The following FBXL5 variants were observed in gnomAD, a reference collection of about 807,000 sequenced individuals.
FBXL5 encodes F-box/LRR-repeat protein 5.
Under a neutral mutation model 78.3 loss-of-function variants are expected in FBXL5, and 26 were observed. The ratio of observed to expected loss-of-function variants is 0.33; its 90% CI spans 0.24 to 0.46. The LOEUF (loss-of-function observed/expected upper bound fraction) is 0.46. FBXL5 is among the 20% of genes least tolerant of loss of function. The probability of loss-of-function intolerance (pLI) is 1.00; values close to 1 mark genes in which losing one functional copy is unlikely to be tolerated. For missense variants in FBXL5, 710 were observed against 829.2 expected (o/e 0.86, Z 1.77); for synonymous variants, 295 against 282.5 (o/e 1.04, Z -0.45).
At chr4:15,681,312 C>T (rs1336754551) in intron 1 of FBXL5, 1 of 156,438 alleles carries the variant, frequency 6.4e-6, no homozygotes, top group Non-Finnish European at 1.5e-5. Context: ...CCTGGCCCCG[C>T]CAGGTCGGGG....
chr4:15,657,338 T>C (rs190499182), upstream of FBXL5, among the ~76,000 whole-genome samples: 44 of 152,326 alleles, frequency 2.9e-4, no homozygotes, highest in Middle Eastern at 6.8e-3. Context: ...TCAGTAAATA[T>C]GTTGGAAAAA....
intron 1 of FBXL5, among the ~76,000 whole-genome samples, chr4:15,649,850 CAG>C (rs1351998657): frequency 1.3e-5 from 2 of 152,062 alleles, no homozygotes; most frequent in Non-Finnish European, 2.9e-5. Flanking sequence ...GACTAACAAA[CAG>C]AGTCTCAGGA....
At chr4:15,667,318 G>A (rs1233839026) in intron 1 of FBXL5, among the ~76,000 whole-genome samples, 3 of 152,098 alleles carry the variant, frequency 2.0e-5, no homozygotes, top group African/African-American at 7.2e-5. Flanking sequence ...CTCAACATTT[G>A]TTAAAATTGA....
intron 10 of FBXL5, among the ~76,000 whole-genome samples, chr4:15,610,217 CACA>C (rs1722158221): frequency 6.6e-6 from 1 of 152,000 alleles, no homozygotes; most frequent in Non-Finnish European, 1.5e-5. Context: ...CTGGATACAA[CACA>C]ACTTCTTTCT....
At chr4:15,671,465 G>T (rs1037391845) in intron 1 of FBXL5, among the ~76,000 whole-genome samples, 3 of 151,916 alleles carry the variant, frequency 2.0e-5, no homozygotes, top group African/African-American at 7.3e-5. Context: ...AAGAGACAGG[G>T]TCTCTCCACA....
intron 2 of FBXL5, among the ~76,000 whole-genome samples, chr4:15,641,108 CTA>C (rs1272213884): frequency 2.0e-5 from 3 of 151,944 alleles, no homozygotes; most frequent in African/African-American, 4.8e-5. Flanking sequence ...CATAAAAAGT[CTA>C]AAAATAGCAC....
At chr4:15,616,837 A>G (rs1056665384) in intron 9 of FBXL5, among the ~76,000 whole-genome samples, 2 of 152,140 alleles carry the variant, frequency 1.3e-5, no homozygotes, top group Non-Finnish European at 2.9e-5. Context: ...CAGGTTCCCC[A>G]GTGAGGATGT....
At chr4:15,641,620 G>A (rs1266431880) in intron 2 of FBXL5, 1 of 455,590 alleles carries the variant, frequency 2.2e-6, no homozygotes, top group Non-Finnish European at 4.4e-6. Flanking sequence ...CCAGTCAACA[G>A]TAGTAGGCTG....
At chr4:15,608,630 C>G (rs1042091830) in intron 10 of FBXL5, among the ~76,000 whole-genome samples, 3 of 151,238 alleles carry the variant, frequency 2.0e-5, no homozygotes, top group Non-Finnish European at 4.4e-5. Context: ...TTTAAGTTCA[C>G]CAGAATTGAG....
Position 15,637,198 on chromosome 4 carries a change from C to A in FBXL5, c.584-522G>T, listed in dbSNP as rs531616811. On this transcript the variant is annotated intron_variant, in intron 4 of 10. Coordinates refer to ENST00000341285, the MANE Select transcript of FBXL5 (RefSeq NM_012161.4). Reference sequence around the variant, plus strand: ...CAAGAGGTCTGCGAAATCTGACTGCCTTAACCTAGAGATGCTTTAAACTAC... The same window carrying A: ...CAAGAGGTCTGCGAAATCTGACTGCATTAACCTAGAGATGCTTTAAACTAC... Among the ~76,000 whole-genome samples, 41 of 152,266 alleles carry A rather than the reference C, an allele frequency of 2.7e-4. 1 individual carries two copies. The highest frequency in any genetic ancestry group is 4.7e-4 in the Non-Finnish European group (32 of 68,020).
chr4:15,652,702 T>C (rs1716251185), intron 1 of FBXL5, among the ~76,000 whole-genome samples: 1 of 152,214 alleles, frequency 6.6e-6, no homozygotes, highest in African/African-American at 2.4e-5. Context: ...TACTTGATGC[T>C]AGTAAATAAA....
intron 7 of FBXL5, among the ~76,000 whole-genome samples, chr4:15,627,198 T>C (rs1430124345): frequency 6.8e-6 from 1 of 146,418 alleles, no homozygotes; most frequent in African/African-American, 2.5e-5. Flanking sequence ...GCAGTGGCAG[T>C]ATCTTGGCTC....
In FBXL5 at chr4:15,636,713, A is replaced by G. The variant is rs776451412; in HGVS notation, c.584-37T>C. Reference sequence around the variant, plus strand: ...AAGAAAAACTTTACCAGTAAAGGCTAAAGAGCATATGCAATAAGAAATTAC... The same window carrying G: ...AAGAAAAACTTTACCAGTAAAGGCTGAAGAGCATATGCAATAAGAAATTAC... On this transcript the variant is annotated intron_variant, in intron 4 of 10. Coordinates refer to ENST00000341285, the MANE Select transcript of FBXL5 (RefSeq NM_012161.4). 7.0e-6 allele frequency: 10 copies of G among 1,438,210 alleles called. No individual in the cohort carries two copies. In the East Asian group the frequency reaches 1.4e-4, roughly 20 times the overall value. The allele number at this position is 1,438,210 out of a possible 1,614,324, so 89.1% of individuals were successfully genotyped here. A position where few individuals can be genotyped will look rare whatever the true frequency, so the allele number is the denominator to read the frequency against.
At chr4:15,654,545 T>C (rs1207977371) in intron 1 of FBXL5, among the ~76,000 whole-genome samples, 1 of 152,134 alleles carries the variant, frequency 6.6e-6, no homozygotes, top group Admixed American at 6.5e-5. Flanking sequence ...ATCCAGTAAG[T>C]GTTCAGGGCA....
rs1331523723 is a variant in FBXL5, at chr4:15,605,083, C to T, written c.*640G>A. The stretch of plus-strand genomic sequence containing the variant: ...TTGTGGTATTTTAAAAAATCTCTCC[C>T]AAATTTGATGACATAGGGACAGTGG... On this transcript the variant is annotated 3_prime_UTR_variant, in exon 11 of 11. Transcript: ENST00000341285. 6.6e-6 allele frequency: 1 copy of T among 152,564 alleles called. No individual in the cohort carries two copies. The highest frequency in any genetic ancestry group is 1.5e-5 in the Non-Finnish European group (1 of 68,022). 9.5% of individuals were successfully genotyped at this position (152,564 alleles called of 1,614,324 possible). A position where few individuals can be genotyped will look rare whatever the true frequency, so the allele number is the denominator to read the frequency against.
chr4:15,628,772 G>GACACACACACACAC (rs1553850273), intron 6 of FBXL5, among the ~76,000 whole-genome samples: 7 of 140,400 alleles, frequency 5.0e-5, no homozygotes, highest in African/African-American at 1.9e-4. Flanking sequence ...GCCAGACACA[G>GACACACACACACAC]ACACACACAC....
chr4:15,626,957 TA>T lies in FBXL5; in HGVS notation c.1042-3del. 1 of 1,593,644 alleles carries T rather than the reference TA, an allele frequency of 6.3e-7. No individual in the cohort carries two copies. Among genetic ancestry groups the T allele is most frequent in the Non-Finnish European group, 8.5e-7 (1 of 1,173,304 alleles). ...ACAAAGCTCTAAAATCTGCCTAACCTAAAAGGCAAGAAATTGTCACTGTAAA... is the reference window on the plus strand; with the variant it reads ...ACAAAGCTCTAAAATCTGCCTAACCTAAAGGCAAGAAATTGTCACTGTAAA... On this transcript the variant is annotated splice_region_variant and splice_polypyrimidine_tract_variant and intron_variant, in intron 7 of 10. Transcript: ENST00000341285.
chr4:15,622,532 T>C (rs1712591228), intron 9 of FBXL5, among the ~76,000 whole-genome samples: 1 of 152,222 alleles, frequency 6.6e-6, no homozygotes, highest in Non-Finnish European at 1.5e-5. Flanking sequence ...CAATATGAAG[T>C]GGCATTCTCT....
At position 15,605,783 on chromosome 4, in the gene FBXL5, G is replaced by A. The variant is rs760438641; in HGVS notation, c.2016C>T (p.Thr672=). The change falls in exon 11 of 11, where the codon ACC becomes ACT. Residue 672 remains threonine, a synonymous_variant. Transcript: ENST00000341285. ...CDNINGPHAD[T]ASGCQNLQCG... ...ACTGCAAATTCTGGCATCCACTGGC[G>A]GTATCAGCATGAGGACCTGTATGAA... 8.1e-6 allele frequency: 13 copies of A among 1,613,420 alleles called. No homozygotes were observed. Among genetic ancestry groups the A allele is most frequent in the South Asian group, 5.5e-5 (5 of 91,048 alleles).
Sources: gnomAD v4.1 joint callset for allele counts (sites outside exome capture counted in the v4.1 genomes callset) on GRCh38, gnomAD v4.1.1 for gene constraint, MANE v1.5 for transcripts, NCBI Gene and HGNC (gene_info 2026-07-23, HGNC 2026-07-21) for gene names.